FUT8: variants seen among roughly 807,000 people sequenced by gnomAD.
FUT8 encodes fucosyltransferase 8, also known as alpha-(1,6)-fucosyltransferase.
Under a neutral mutation model 71.3 loss-of-function variants are expected in FUT8, and 29 were observed. The ratio of observed to expected loss-of-function variants is 0.41; its 90% CI spans 0.30 to 0.55. FUT8 has a LOEUF of 0.55. Among genes scored for constraint, FUT8 ranks in the 20% least tolerant of loss-of-function variants. The pLI is 0.34. For synonymous variants in FUT8, 254 were observed against 239.3 expected (o/e 1.06, Z -0.57); for missense variants, 544 against 702.1 (o/e 0.77, Z 2.55).
intron 2 of FUT8, among the ~76,000 whole-genome samples, chr14:65,518,141 C>G (rs1882836212): frequency 6.6e-6 from 1 of 152,090 alleles, no homozygotes; most frequent in Admixed American, 6.6e-5. Context: ...CAAGCTGGAC[C>G]TTTTGAAGTT....
At chr14:65,685,812 A>T (rs1893259187) in intron 7 of FUT8, among the ~76,000 whole-genome samples, 1 of 152,210 alleles carries the variant, frequency 6.6e-6, no homozygotes, top group Non-Finnish European at 1.5e-5. Context: ...AGTGCCTCTT[A>T]GCATGCTAAT....
At chr14:65,612,030 A>G (rs552483611) in intron 3 of FUT8, among the ~76,000 whole-genome samples, 35 of 152,278 alleles carry the variant, frequency 2.3e-4, no homozygotes, top group African/African-American at 6.3e-4. Context: ...ATACAGTCAT[A>G]ATAACTGTTA....
intron 3 of FUT8, among the ~76,000 whole-genome samples, chr14:65,610,276 A>G (rs536443448): frequency 6.6e-6 from 1 of 151,954 alleles, no homozygotes; most frequent in East Asian, 1.9e-4. Context: ...TGTTTCTGAT[A>G]TTAGGGGCAA....
intron 7 of FUT8, among the ~76,000 whole-genome samples, chr14:65,713,993 A>G (rs1474428242): frequency 2.0e-5 from 3 of 152,194 alleles, no homozygotes; most frequent in Non-Finnish European, 2.9e-5. Context: ...TAGTAGTTTC[A>G]TAGTTTGAGG....
chr14:65,561,829 C>A, intron 3 of FUT8, 63 bp downstream of exon 3: 1 of 1,275,988 alleles, frequency 7.8e-7, no homozygotes, highest in Non-Finnish European at 1.1e-6. Flanking sequence ...AGGTGTAGGG[C>A]TTCATTCCGC....
At chr14:65,528,623 C>T (rs1332648278) in intron 2 of FUT8, among the ~76,000 whole-genome samples, 2 of 152,170 alleles carry the variant, frequency 1.3e-5, no homozygotes, top group African/African-American at 4.8e-5. Flanking sequence ...GCAGAAATCA[C>T]CTGTCTTCTG....
In FUT8 at chr14:65,711,616, T is replaced by G. The variant is rs556356619; in HGVS notation, c.836-10159T>G. Among the ~76,000 whole-genome samples the G allele has an allele frequency of 2.6e-5, 4 of 152,324 alleles. No homozygotes were observed. The East Asian group carries it at 7.7e-4, about 29-fold the overall frequency. On this transcript the variant is annotated intron_variant, in intron 7 of 10. Coordinates refer to ENST00000673929, the MANE Select transcript of FUT8 (RefSeq NM_001371533.1). The stretch of plus-strand genomic sequence containing the variant: ...CAGTTTTCCTTACATTAGGGGAGAC[T>G]ATTACAGCTTAATTTAAAATGCAGC...
intron 2 of FUT8, among the ~76,000 whole-genome samples, chr14:65,558,341 AAG>A (rs1885711592): frequency 1.3e-5 from 2 of 151,830 alleles, no homozygotes. Context: ...AAAAAAAAAA[AAG>A]ACTCTCTTGG....
At chr14:65,678,637 A>G (rs1393031310) in intron 7 of FUT8, among the ~76,000 whole-genome samples, 4 of 152,212 alleles carry the variant, frequency 2.6e-5, no homozygotes, top group Non-Finnish European at 5.9e-5. Context: ...TAAGAGAAGC[A>G]AAAATAGGCC....
In FUT8 at chr14:65,611,195, ACACGCGCGCGCGCGCGCGCGCG is replaced by A. The variant is rs1441042485; in HGVS notation, c.204-4781_204-4760del. Among the ~76,000 whole-genome samples, 30 of 14,316 alleles carry A rather than the reference ACACGCGCGCGCGCGCGCGCGCG, an allele frequency of 2.1e-3. 2 individuals are homozygous for A. Among genetic ancestry groups the A allele is most frequent in the Admixed American group, 3.3e-3 (2 of 614 alleles). 9.4% of individuals were successfully genotyped at this position (14,316 alleles called of 152,430 possible). ...CATTTTAAGTGTCATACACACACAC[ACACGCGCGCGCGCGCGCGCGCG>A]CGCGCGCACACACACACACACACAC... On this transcript the variant is annotated intron_variant, in intron 3 of 10. Coordinates refer to ENST00000673929, the MANE Select transcript of FUT8 (RefSeq NM_001371533.1).
At chr14:65,615,844 C>G (rs1942749454) in intron 3 of FUT8, 134 bp from the exon 4 acceptor site, 1 of 601,018 alleles carries the variant, frequency 1.7e-6, no homozygotes, top group Non-Finnish European at 2.9e-6. Context: ...GAGAAAATTC[C>G]ATTTGGTACT....
chr14:65,578,424 T>C (rs1457704557), intron 3 of FUT8, among the ~76,000 whole-genome samples: 1 of 152,208 alleles, frequency 6.6e-6, no homozygotes, highest in African/African-American at 2.4e-5. Flanking sequence ...TATTTTGTTT[T>C]TGAAATTGTT....
intron 7 of FUT8, among the ~76,000 whole-genome samples, chr14:65,695,784 T>G (rs1893961180): frequency 6.6e-6 from 1 of 152,124 alleles, no homozygotes; most frequent in East Asian, 1.9e-4. Context: ...TGTGGCTGTT[T>G]TCTATTTGTT....
intron 2 of FUT8, among the ~76,000 whole-genome samples, chr14:65,527,180 C>T (rs1434205400): frequency 6.6e-6 from 1 of 152,174 alleles, no homozygotes; most frequent in East Asian, 1.9e-4. Context: ...TTCCATTCTC[C>T]CTGTCACTTT....
At chr14:65,454,130 A>AT (rs1330457085) in intron 1 of FUT8, among the ~76,000 whole-genome samples, 4 of 152,260 alleles carry the variant, frequency 2.6e-5, no homozygotes, top group African/African-American at 9.6e-5. Flanking sequence ...CAGTTATTCC[A>AT]TAATGGCTGG....
rs1283822507 is a variant in FUT8, at chr14:65,578,797, T to A, written c.203+17031T>A. ...ATTAGAGCTAGCCTGTGAATTACAA[T>A]GGCTACAAGGAAATATAATGTAAAA... On this transcript the variant is annotated intron_variant, in intron 3 of 10. Transcript: ENST00000673929. Among the ~76,000 whole-genome samples, 14 of 152,182 alleles carry A rather than the reference T, an allele frequency of 9.2e-5. 1 individual carries two copies. Among genetic ancestry groups the A allele is most frequent in the Admixed American group, 9.2e-4 (14 of 15,272 alleles).
At chr14:65,632,741 TTTG>T (rs1890259378) in intron 6 of FUT8, among the ~76,000 whole-genome samples, 1 of 152,244 alleles carries the variant, frequency 6.6e-6, no homozygotes, top group Non-Finnish European at 1.5e-5. Context: ...GCTATTTATC[TTTG>T]TTTTTATTGC....
At chr14:65,680,976 A>C (rs2300871) in intron 7 of FUT8, among the ~76,000 whole-genome samples, 21,638 of 152,196 alleles carry the variant, frequency 0.14, 2,040 homozygotes, top group East Asian at 0.38. Context: ...TTTTACTGAT[A>C]TACTGGGAAC....
chr14:65,486,770 A>G (rs1468474374), intron 2 of FUT8, among the ~76,000 whole-genome samples: 1 of 152,224 alleles, frequency 6.6e-6, no homozygotes, highest in East Asian at 1.9e-4. Flanking sequence ...GGATAAGCAT[A>G]TTTATCCCGA....
Sources: allele counts gnomAD v4.1 joint callset (sites outside exome capture counted in the v4.1 genomes callset), GRCh38; gene constraint gnomAD v4.1.1; transcripts MANE v1.5; gene names NCBI Gene and HGNC (gene_info 2026-07-23, HGNC 2026-07-21).